PARN: variants seen among roughly 807,000 people sequenced by gnomAD.
PARN encodes the protein poly(A)-specific ribonuclease PARN.
In PARN, 71 loss-of-function variants were observed where a neutral mutation model predicts 102.8. The ratio of observed to expected loss-of-function variants is 0.69; its 90% CI spans 0.57 to 0.84. The LOEUF (loss-of-function observed/expected upper bound fraction) is 0.84. Ranked by LOEUF, PARN falls within the 40% of genes least tolerant of loss-of-function variation. The pLI is 0.00. For missense variants in PARN, 782 were observed against 760.9 expected (o/e 1.03, Z -0.33); for synonymous variants, 261 against 252.9 (o/e 1.03, Z -0.30).
intron 12 of PARN, 114 bp from the exon 13 acceptor site, chr16:14,593,492 TAAAAAAAA>T (rs35329440): frequency 0.044 from 1,399 of 31,796 alleles, 14 homozygotes; most frequent in South Asian, 0.085. Flanking sequence ...TTTCCAGACT[TAAAAAAAA>T]AAAAAAAAAA....
chr16:14,447,539 C>T (rs1961256828), intron 22 of PARN, among the ~76,000 whole-genome samples: 1 of 152,224 alleles, frequency 6.6e-6, no homozygotes, highest in South Asian at 2.1e-4. Context: ...TATCCCACTG[C>T]TTAAAACTTG....
chr16:14,489,173 T>C (rs116828907), intron 21 of PARN, among the ~76,000 whole-genome samples: 7 of 152,206 alleles, frequency 4.6e-5, no homozygotes, highest in Admixed American at 4.6e-4. Context: ...TTCAGTAGAA[T>C]AGCTGGTACT....
intron 21 of PARN, among the ~76,000 whole-genome samples, chr16:14,498,601 GCCAACACCA>G (rs1174751687): frequency 3.3e-5 from 5 of 151,860 alleles, no homozygotes; most frequent in African/African-American, 9.7e-5. Flanking sequence ...TTGAAAAAAT[GCCAACACCA>G]CCTCCTTGAA....
At chr16:14,604,708 C>T (rs1245013571) in intron 10 of PARN, among the ~76,000 whole-genome samples, 1 of 151,796 alleles carries the variant, frequency 6.6e-6, no homozygotes, top group Non-Finnish European at 1.5e-5. Context: ...CTCTGCCTCC[C>T]AGATTCAAGT....
chr16:14,526,200 G>A (rs1489123063), intron 21 of PARN, among the ~76,000 whole-genome samples: 11 of 142,080 alleles, frequency 7.7e-5, no homozygotes, highest in Non-Finnish European at 1.1e-4. Context: ...TTTTTGAGAC[G>A]GAGTCTTGCT....
intron 21 of PARN, among the ~76,000 whole-genome samples, chr16:14,526,022 T>C (rs1186950325): frequency 2.0e-5 from 3 of 152,014 alleles, no homozygotes. Context: ...TTCACCATGT[T>C]GGCCAGGCTG....
chr16:14,479,084 T>A (rs6498517), intron 22 of PARN, among the ~76,000 whole-genome samples: 9,761 of 152,212 alleles, frequency 0.064, 805 homozygotes, highest in African/African-American at 0.19. Flanking sequence ...TGAATTGTAT[T>A]TCTATACAAA....
intron 5 of PARN, among the ~76,000 whole-genome samples, chr16:14,621,244 T>G (rs544038969): frequency 4.6e-5 from 7 of 152,294 alleles, no homozygotes; most frequent in African/African-American, 1.7e-4. Context: ...CACCTAAACA[T>G]TCCATCTCTG....
At chr16:14,620,069 CAAAAAA>C (rs1167781322) in intron 5 of PARN, among the ~76,000 whole-genome samples, 5 of 47,556 alleles carry the variant, frequency 1.1e-4, no homozygotes, top group Non-Finnish European at 1.9e-4. Context: ...GACTCTGTCT[CAAAAAA>C]AAAAAAAAAA....
intron 22 of PARN, among the ~76,000 whole-genome samples, chr16:14,456,570 T>C (rs555259260): frequency 1.0e-3 from 154 of 152,304 alleles, no homozygotes; most frequent in African/African-American, 3.6e-3. Flanking sequence ...TTTAAAGAGC[T>C]GCTGTTTGCA....
intron 18 of PARN, among the ~76,000 whole-genome samples, chr16:14,557,431 C>A (rs1967760173): frequency 6.6e-6 from 1 of 152,014 alleles, no homozygotes; most frequent in South Asian, 2.1e-4. Context: ...GTAGCAGGCA[C>A]CTGTAATCCC....
intron 5 of PARN, among the ~76,000 whole-genome samples, chr16:14,620,904 A>T (rs1244229026): frequency 6.6e-6 from 1 of 152,078 alleles, no homozygotes; most frequent in African/African-American, 2.4e-5. Context: ...TGATTGTATC[A>T]TTTTTCTTTT....
At chr16:14,537,749 A>G (rs965101627) in intron 21 of PARN, among the ~76,000 whole-genome samples, 1 of 152,160 alleles carries the variant, frequency 6.6e-6, no homozygotes, top group Non-Finnish European at 1.5e-5. Flanking sequence ...AGTAGAGAGT[A>G]TAATTGGGAG....
chr16:14,471,818 T>G (rs1962761070), intron 22 of PARN, among the ~76,000 whole-genome samples: 2 of 152,346 alleles, frequency 1.3e-5, no homozygotes, highest in East Asian at 1.9e-4. Context: ...CTTTTATAGC[T>G]AAGGAGCAGA....
intron 2 of PARN, 123 bp from the exon 3 acceptor site, chr16:14,628,374 AACTT>A (rs1403494830): frequency 8.1e-6 from 5 of 618,822 alleles, no homozygotes; most frequent in Non-Finnish European, 1.1e-5. Context: ...AGCACTCCCT[AACTT>A]ACTTTTTTAA....
At chr16:14,595,369 C>T (rs1465896424) in intron 12 of PARN, among the ~76,000 whole-genome samples, 19 of 152,156 alleles carry the variant, frequency 1.2e-4, no homozygotes, top group Non-Finnish European at 5.9e-5. Context: ...AACACACACA[C>T]ACTTATTTAT....
chr16:14,449,119 C>G (rs1015019281), intron 22 of PARN, among the ~76,000 whole-genome samples: 7 of 152,132 alleles, frequency 4.6e-5, no homozygotes, highest in African/African-American at 1.7e-4. Context: ...AATTCAGGAA[C>G]CTGGTAGCCT....
At chr16:14,579,702 C>T (rs1287600707) in intron 18 of PARN, among the ~76,000 whole-genome samples, 2 of 152,052 alleles carry the variant, frequency 1.3e-5, no homozygotes, top group South Asian at 2.1e-4. Flanking sequence ...TAGCTGGCCA[C>T]GGTGGTTCAC....
chr16:14,569,150 T>C (rs1968629488), intron 18 of PARN, among the ~76,000 whole-genome samples: 1 of 151,722 alleles, frequency 6.6e-6, no homozygotes, highest in Non-Finnish European at 1.5e-5. Flanking sequence ...AGGTGAAGGT[T>C]GCAGTGAGAC....
Sources: allele counts gnomAD v4.1 joint callset (sites outside exome capture counted in the v4.1 genomes callset), GRCh38; gene constraint gnomAD v4.1.1; transcripts MANE v1.5; gene names NCBI Gene and HGNC (gene_info 2026-07-23, HGNC 2026-07-21).